The following CD226 variants were observed in gnomAD, a reference collection of about 807,000 sequenced individuals.
CD226 encodes CD226 antigen.
A neutral mutation model predicts 34.9 loss-of-function variants in CD226; 24 were observed. The observed-to-expected ratio is 0.69, with a 90% CI of 0.50 to 0.97. The LOEUF is 0.97. Among genes scored for constraint, CD226 ranks in the 50% least tolerant of loss-of-function variants. CD226 has a pLI of 0.00. For missense variants in CD226, 397 were observed against 412.7 expected, an observed-to-expected ratio of 0.96 and a Z score of 0.33; for synonymous variants, 148 against 147.4, an observed-to-expected ratio of 1.00 and a Z score of -0.03.
In CD226 at chr18:69,853,778, C is replaced by G. The variant is rs1037791328; in HGVS notation, c.*10536G>C. 1.3e-5 allele frequency: 2 copies of G among 152,138 alleles called. No individual in the cohort carries two copies. The highest frequency in any genetic ancestry group is 1.3e-4 in the Admixed American group (2 of 15,262). The allele number at this position is 152,138 out of a possible 1,614,324, so 9.4% of individuals were successfully genotyped here. On this transcript the variant is annotated 3_prime_UTR_variant, in exon 6 of 6. Coordinates refer to ENST00000582621, the MANE Select transcript of CD226 (RefSeq NM_001303618.2). ...TTCCTTATTACCTTTTGCCTCTGGA[C>G]TTGAATATTTGTATAAGGCCTGATG...
upstream of CD226, among the ~76,000 whole-genome samples, chr18:69,951,029 G>C (rs1482716157): frequency 6.7e-6 from 1 of 149,350 alleles, no homozygotes; most frequent in Non-Finnish European, 1.5e-5. Flanking sequence ...GTGGGGACGT[G>C]CTATGTTGTC....
At chr18:69,867,472 G>C (rs62090790) in intron 4 of CD226, 61 bp from the exon 5 acceptor site, 1 of 1,088,660 alleles carries the variant, frequency 9.2e-7, no homozygotes, top group Non-Finnish European at 1.4e-6. Context: ...ATATTATTTC[G>C]AAGACTCTAT....
At chr18:69,908,587 T>A (rs1308660259) in intron 2 of CD226, among the ~76,000 whole-genome samples, 1 of 152,176 alleles carries the variant, frequency 6.6e-6, no homozygotes, top group African/African-American at 2.4e-5. Context: ...ACTATTAAAA[T>A]AGTTGTCAAA....
At position 69,900,592 on chromosome 18, in the gene CD226, C is replaced by T. The variant is rs536825334; in HGVS notation, c.383-4547G>A. On this transcript the variant is annotated intron_variant, in intron 2 of 5. Coordinates refer to ENST00000582621, the MANE Select transcript of CD226 (RefSeq NM_001303618.2). ...CTAAAAATACAAAAAATTAGCCGGG[C>T]GCGGTGGCGGGCGCCTGTAGTCCCA... Among the ~76,000 whole-genome samples the T allele has an allele frequency of 5.2e-4, 79 of 150,838 alleles. 1 individual carries two copies. Among genetic ancestry groups the T allele is most frequent in the South Asian group, 6.3e-4 (3 of 4,754 alleles).
intron 3 of CD226, among the ~76,000 whole-genome samples, chr18:69,882,497 C>A (rs1184139620): frequency 6.6e-6 from 1 of 152,122 alleles, no homozygotes; most frequent in East Asian, 1.9e-4. Context: ...CACATGAGGA[C>A]AAAGAGATGG....
intron 2 of CD226, among the ~76,000 whole-genome samples, chr18:69,907,081 A>T (rs1385990619): frequency 1.3e-5 from 2 of 152,054 alleles, no homozygotes; most frequent in African/African-American, 4.8e-5. Context: ...GCTTCCCTAG[A>T]CTTCGCTGGA....
chr18:69,891,284 T>G, intron 3 of CD226, among the ~76,000 whole-genome samples: 1 of 143,460 alleles, frequency 7.0e-6, no homozygotes, highest in Admixed American at 7.0e-5. Flanking sequence ...CATCCTTGTG[T>G]GATTAAAAAA....
In CD226 at chr18:69,946,975, C is replaced by T. The variant is rs1353367244; in HGVS notation, c.141G>A (p.Gln47=). 1 of 1,614,036 alleles carries T rather than the reference C, an allele frequency of 6.2e-7. No individual in the cohort carries two copies. Among genetic ancestry groups the T allele is most frequent in the African/African-American group, 1.3e-5 (1 of 74,904 alleles). ...GGGTCCCGATCTTGAACCACTCCAC[C>T]TGTGTTAAGATGCCCATTGATGGAT... ...CVYPSMGILT[Q]VEWFKIGTQQ... The change falls in exon 2 of 6, where the codon CAG becomes CAA. Residue 47 remains glutamine, a synonymous_variant. Transcript: ENST00000582621.
At chr18:69,959,462 C>T (rs556600796), upstream of CD226, among the ~76,000 whole-genome samples, 3 of 152,184 alleles carry the variant, frequency 2.0e-5, no homozygotes, top group South Asian at 2.1e-4. Flanking sequence ...GTTGCAGCAT[C>T]GCATCAGCTA....
chr18:69,897,523 A>G (rs1350088680), intron 2 of CD226, among the ~76,000 whole-genome samples: 2 of 152,188 alleles, frequency 1.3e-5, no homozygotes, highest in East Asian at 3.8e-4. Context: ...TAAGGGAGAA[A>G]TGCAAAAAGT....
intron 3 of CD226, among the ~76,000 whole-genome samples, chr18:69,882,832 A>T (rs1568167016): frequency 1.3e-5 from 2 of 152,210 alleles, no homozygotes; most frequent in Middle Eastern, 6.8e-3. Context: ...CCCAGCTAAC[A>T]TTTTTTTAAA....
intron 3 of CD226, among the ~76,000 whole-genome samples, chr18:69,885,668 C>A (rs1395553473): frequency 2.0e-5 from 3 of 152,144 alleles, no homozygotes; most frequent in African/African-American, 7.2e-5. Flanking sequence ...GAGGCTACTC[C>A]TAAAGTTCCC....
chr18:69,961,451 G>A (rs778897632), upstream of CD226: 2 of 152,184 alleles, frequency 1.3e-5, no homozygotes, highest in Non-Finnish European at 2.9e-5. Context: ...TCTTCACCTA[G>A]TATATTGTGG....
chr18:69,875,451 T>C (rs1470965865), intron 3 of CD226, among the ~76,000 whole-genome samples: 8 of 152,252 alleles, frequency 5.3e-5, no homozygotes, highest in Non-Finnish European at 1.0e-4. Flanking sequence ...TTTTAATTTC[T>C]TGAGGAACCT....
intron 3 of CD226, among the ~76,000 whole-genome samples, chr18:69,884,879 G>C (rs1168982335): frequency 6.6e-6 from 1 of 152,226 alleles, no homozygotes; most frequent in African/African-American, 2.4e-5. Context: ...GGCTGTATGA[G>C]AGAGTGAGAT....
At position 69,854,344 on chromosome 18, in the gene CD226, G is replaced by A. The variant is rs1018515652; in HGVS notation, c.*9970C>T. 6.6e-5 allele frequency: 10 copies of A among 152,276 alleles called. No homozygotes were observed. The highest frequency in any genetic ancestry group is 2.4e-4 in the African/African-American group (10 of 41,442). 9.4% of individuals were successfully genotyped at this position (152,276 alleles called of 1,614,324 possible). ...AGTATGAGCCTTTATATGGTAAGTT[G>A]GGTGAATTGCTGGCATCTGTTTGTG... On this transcript the variant is annotated 3_prime_UTR_variant, in exon 6 of 6. Transcript: ENST00000582621.
chr18:69,921,099 T>A (rs574658190), intron 2 of CD226, among the ~76,000 whole-genome samples: 1 of 152,206 alleles, frequency 6.6e-6, no homozygotes, highest in African/African-American at 2.4e-5. Context: ...TCTTCCCAAA[T>A]GTAAATCTGA....
intron 2 of CD226, among the ~76,000 whole-genome samples, chr18:69,946,364 G>A (rs373040723): frequency 6.6e-6 from 1 of 152,052 alleles, no homozygotes; most frequent in Non-Finnish European, 1.5e-5. Flanking sequence ...GGGTGCTGGA[G>A]TGTCCAGCAG....
intron 4 of CD226, among the ~76,000 whole-genome samples, chr18:69,868,355 T>C (rs1312515649): frequency 6.6e-6 from 1 of 152,208 alleles, no homozygotes; most frequent in Non-Finnish European, 1.5e-5. Flanking sequence ...AGGTTGTAAT[T>C]CCTTTGTGAA....
Sources: gnomAD v4.1 joint callset for allele counts (sites outside exome capture counted in the v4.1 genomes callset) on GRCh38, gnomAD v4.1.1 for gene constraint, MANE v1.5 for transcripts, NCBI Gene and HGNC (gene_info 2026-07-23, HGNC 2026-07-21) for gene names.